ESRP1: variants seen among roughly 807,000 people sequenced by gnomAD.
The protein encoded by ESRP1 is RNA-binding motif protein 35A.
In ESRP1, 33 loss-of-function variants were observed where a neutral mutation model predicts 81.7. The ratio of observed to expected loss-of-function variants is 0.40; its 90% CI spans 0.31 to 0.54. The LOEUF (loss-of-function observed/expected upper bound fraction) is 0.54. Among genes scored for constraint, ESRP1 ranks in the 20% least tolerant of loss-of-function variants. The probability of loss-of-function intolerance (pLI) is 0.41; values close to 1 mark genes in which losing one functional copy is unlikely to be tolerated. For synonymous variants in ESRP1, 320 were observed against 303.3 expected (o/e 1.06, Z -0.57); for missense variants, 672 against 833.1 (o/e 0.81, Z 2.38).
chr8:94,644,226 C>G (rs1817741439), intron 3 of ESRP1, among the ~76,000 whole-genome samples: 1 of 152,168 alleles, frequency 6.6e-6, no homozygotes, highest in Admixed American at 6.5e-5. Flanking sequence ...TGTTAATACA[C>G]TGTCTCTTAA....
chr8:94,692,617 T>C, intron 13 of ESRP1, 60 bp from the exon 14 acceptor site: 2 of 1,522,664 alleles, frequency 1.3e-6, no homozygotes, highest in Non-Finnish European at 1.8e-6. Flanking sequence ...CTAATGTTTT[T>C]ATAGTAAGTA....
chr8:94,666,250 A>G lies in ESRP1; in HGVS notation c.931+1054A>G, dbSNP rs139147492. ...AAACATCTCTGTTGGAGCTGGGCAC[A>G]TGGCTTGTGCCTGTAATTCCAGCTA... is the stretch of plus-strand genomic sequence containing the variant. On this transcript the variant is annotated intron_variant, in intron 9 of 15. Transcript: ENST00000433389. Among the ~76,000 whole-genome samples the G allele has an allele frequency of 1.1e-4, 16 of 152,322 alleles. No individual in the cohort carries two copies. In the East Asian group the frequency reaches 3.1e-3, roughly 29 times the overall value.
intron 15 of ESRP1, among the ~76,000 whole-genome samples, chr8:94,702,198 C>G (rs1328063745): frequency 1.3e-5 from 2 of 152,192 alleles, no homozygotes; most frequent in Non-Finnish European, 2.9e-5. Context: ...CTCACTCTGT[C>G]ACCCAGGCTG....
At chr8:94,645,986 A>C (rs75173116) in intron 3 of ESRP1, among the ~76,000 whole-genome samples, 182 bp from the exon 4 acceptor site, 2,641 of 152,262 alleles carry the variant, frequency 0.017, 84 homozygotes, top group African/African-American at 0.06. Flanking sequence ...TTTTCATGAG[A>C]CTTGTACATA....
At chr8:94,687,764 T>C (rs1446278639) in intron 13 of ESRP1, among the ~76,000 whole-genome samples, 1 of 152,188 alleles carries the variant, frequency 6.6e-6, no homozygotes, top group African/African-American at 2.4e-5. Flanking sequence ...ATTTTTAAAT[T>C]GGATTATTTT....
At chr8:94,680,878 T>A (rs1808845733) in intron 13 of ESRP1, among the ~76,000 whole-genome samples, 1 of 152,050 alleles carries the variant, frequency 6.6e-6, no homozygotes. Context: ...AATCAGAAGC[T>A]CTTGTGTTTT....
At chr8:94,681,979 C>G (rs1475047392) in intron 13 of ESRP1, among the ~76,000 whole-genome samples, 2 of 152,186 alleles carry the variant, frequency 1.3e-5, no homozygotes, top group Non-Finnish European at 2.9e-5. Context: ...TCTGGAAGAG[C>G]AGGTGAAATG....
chr8:94,674,239 T>G, intron 11 of ESRP1, 69 bp from the exon 12 acceptor site: 1 of 1,528,672 alleles, frequency 6.5e-7, no homozygotes, highest in Non-Finnish European at 8.9e-7. Context: ...TTGCATGTTT[T>G]GTAAGCAACC....
At chr8:94,690,854 T>C (rs910982938) in intron 13 of ESRP1, among the ~76,000 whole-genome samples, 4 of 152,232 alleles carry the variant, frequency 2.6e-5, no homozygotes, top group Non-Finnish European at 5.9e-5. Flanking sequence ...GAAGTCCCGA[T>C]GGTCTTTGAG....
At chr8:94,698,354 G>A (rs1019491786) in intron 15 of ESRP1, among the ~76,000 whole-genome samples, 1 of 152,122 alleles carries the variant, frequency 6.6e-6, no homozygotes, top group African/African-American at 2.4e-5. Context: ...AGACTGATTT[G>A]TCCTTCGGTA....
At position 94,707,115 on chromosome 8, in the gene ESRP1, C is replaced by T. The variant is rs1330859245; in HGVS notation, c.*1226C>T. On this transcript the variant is annotated 3_prime_UTR_variant, in exon 16 of 16. Transcript: ENST00000433389. ...TGAATGTGGATATTTCTCTAAGTTA[C>T]TCATATTGTCCTTTGCTTGAATGCA... 1 of 152,198 alleles carries T rather than the reference C, an allele frequency of 6.6e-6. No individual in the cohort carries two copies. Among genetic ancestry groups the T allele is most frequent in the Non-Finnish European group, 1.5e-5 (1 of 68,034 alleles). The allele number at this position is 152,198 out of a possible 1,614,324, so 9.4% of individuals were successfully genotyped here. A position where few individuals can be genotyped will look rare whatever the true frequency, so the allele number is the denominator to read the frequency against.
At position 94,671,684 on chromosome 8, in the gene ESRP1, C is replaced by T. The variant is rs1208229070; in HGVS notation, c.1452+13C>T. 3.1e-6 allele frequency: 5 copies of T among 1,605,618 alleles called. No individual in the cohort carries two copies. Among genetic ancestry groups the T allele is most frequent in the Non-Finnish European group, 4.3e-6 (5 of 1,174,300 alleles). Reference sequence around the variant, plus strand: ...TTTGAATCACCAGGTAAGAAAGATACTTAGTGGAAAACTTATTTGCTTTTT... The same window carrying T: ...TTTGAATCACCAGGTAAGAAAGATATTTAGTGGAAAACTTATTTGCTTTTT... On this transcript the variant is annotated intron_variant, in intron 11 of 15. Coordinates refer to ENST00000433389, the MANE Select transcript of ESRP1 (RefSeq NM_017697.4).
chr8:94,648,742 A>G (rs1219959394), intron 4 of ESRP1, among the ~76,000 whole-genome samples: 1 of 152,238 alleles, frequency 6.6e-6, no homozygotes, highest in Admixed American at 6.5e-5. Flanking sequence ...AAGAGCAGAT[A>G]AGAGAATGTG....
chr8:94,652,194 G>A (rs376338245), intron 4 of ESRP1, among the ~76,000 whole-genome samples: 1 of 150,960 alleles, frequency 6.6e-6, no homozygotes, highest in African/African-American at 2.4e-5. Context: ...CACCATGTTG[G>A]CGAGGCTGGT....
At chr8:94,652,802 A>G (rs997629329) in intron 4 of ESRP1, among the ~76,000 whole-genome samples, 1 of 152,218 alleles carries the variant, frequency 6.6e-6, no homozygotes. Flanking sequence ...TTCTTACTAC[A>G]TATGCCATGA....
chr8:94,643,423 G>A lies in ESRP1; in HGVS notation c.375+7G>A, dbSNP rs749637482. Reference sequence around the variant, plus strand: ...TCCTGAGGCTTCCAAGAAGGTAAGAGTGCTGGCTTCTGGGAAAAAAATGGT... The same window carrying A: ...TCCTGAGGCTTCCAAGAAGGTAAGAATGCTGGCTTCTGGGAAAAAAATGGT... On this transcript the variant is annotated splice_region_variant and intron_variant, in intron 3 of 15. Coordinates refer to ENST00000433389, the MANE Select transcript of ESRP1 (RefSeq NM_017697.4). The A allele has an allele frequency of 6.3e-7, 1 of 1,597,926 alleles. No homozygotes were observed. Among genetic ancestry groups the A allele is most frequent in the East Asian group, 2.2e-5 (1 of 44,824 alleles).
intron 4 of ESRP1, among the ~76,000 whole-genome samples, chr8:94,659,149 G>A (rs1226967116): frequency 3.3e-5 from 5 of 151,974 alleles, no homozygotes; most frequent in East Asian, 1.9e-4. Context: ...CCAAAGTGCC[G>A]GGATTACAGG....
At chr8:94,703,933 T>C (rs1228556228) in intron 15 of ESRP1, among the ~76,000 whole-genome samples, 4 of 152,178 alleles carry the variant, frequency 2.6e-5, no homozygotes, top group Non-Finnish European at 2.9e-5. Flanking sequence ...TACTGATCAA[T>C]AGTGTTGGGT....
rs747108794 is a variant in ESRP1 at position 94,665,113 on chromosome 8, ACG to A, written c.889-40_889-39del. 9.9e-6 allele frequency: 16 copies of A among 1,613,786 alleles called. No individual in the cohort carries two copies. In the South Asian group the frequency reaches 1.8e-4, roughly 18 times the overall value. On this transcript the variant is annotated intron_variant, in intron 8 of 15. Transcript: ENST00000433389. ...CATCGTGAATGAGAATTAACATAGG[ACG>A]GAAGGCTCAGAAACACTAACTTCTC...
Sources: allele counts gnomAD v4.1 joint callset (sites outside exome capture counted in the v4.1 genomes callset), GRCh38; gene constraint gnomAD v4.1.1; transcripts MANE v1.5; gene names NCBI Gene and HGNC (gene_info 2026-07-23, HGNC 2026-07-21).